The following POLA1 variants were observed in gnomAD, a reference collection of about 807,000 sequenced individuals.
The protein encoded by POLA1 is DNA polymerase alpha 1, catalytic subunit.
POLA1 carries 15 observed loss-of-function variants against 124.0 expected under a neutral mutation model. The observed-to-expected ratio is 0.12, with a 90% CI of 0.08 to 0.19. POLA1 has a LOEUF of 0.19. Among genes scored for constraint, POLA1 ranks in the 10% least tolerant of loss-of-function variants. The pLI is 1.00. For missense variants in POLA1, 886 were observed against 1,103.4 expected (o/e 0.80, Z 2.79); for synonymous variants, 408 against 389.4 (o/e 1.05, Z -0.56).
intron 34 of POLA1, among the ~76,000 whole-genome samples, chrX:24,853,065 C>T (rs994855609): frequency 8.9e-6 from 1 of 112,567 alleles, no homozygotes; most frequent in Non-Finnish European, 1.9e-5. Context: ...CTCTCAACTA[C>T]AGCTTTCCCT....
chrX:24,888,027 C>A lies in POLA1; in HGVS notation c.4069C>A (p.Pro1357Thr). 8.3e-7 allele frequency: 1 copy of A among 1,204,933 alleles called. No individual in the cohort carries two copies. Among genetic ancestry groups the A allele is most frequent in the Non-Finnish European group, 1.1e-6 (1 of 889,690 alleles). ...CCAGGGCTGGTTGATATGTGAAGAG[C>A]CAACCTGTCGCAATCGAACTCGTCA... ...YYDGWLICEEPTCRNRTRHLP... is the reference protein window; with the variant it reads ...YYDGWLICEETTCRNRTRHLP... The change falls in exon 35 of 37, where the codon CCA (proline) becomes ACA (threonine). Residue 1357 changes from proline to threonine, a missense_variant. Around this residue, in one of 7 missense-constraint regions of POLA1, gnomAD observed 313 missense variants for 359.7 expected, o/e 0.87. Transcript: ENST00000379068.
intron 36 of POLA1, among the ~76,000 whole-genome samples, chrX:24,977,662 A>G (rs1053484037): frequency 2.7e-5 from 3 of 111,825 alleles, no homozygotes; most frequent in African/African-American, 9.8e-5. Context: ...TTATGTTTTA[A>G]TTTCTAAGAA....
At chrX:24,873,269 GA>G (rs2046890134) in intron 34 of POLA1, among the ~76,000 whole-genome samples, 1 of 111,684 alleles carries the variant, frequency 9.0e-6, no homozygotes, top group African/African-American at 3.3e-5. Context: ...TGGTGGGCAT[GA>G]AAAATGGTAC....
intron 34 of POLA1, among the ~76,000 whole-genome samples, chrX:24,868,739 G>A (rs1416446896): frequency 1.8e-5 from 2 of 111,758 alleles, no homozygotes; most frequent in African/African-American, 6.5e-5. Context: ...TGCTGTGAAG[G>A]GACATAGAGA....
In POLA1 at chrX:24,724,464, C is replaced by T. The variant is rs781567383; in HGVS notation, c.1317+13C>T. The stretch of plus-strand genomic sequence containing the variant: ...GTTCAAGTCTAAGGTTTGTATTTGG[C>T]GATGATTTTTTTCCAGCTCTGTTTG... On this transcript the variant is annotated intron_variant, in intron 12 of 36. Transcript: ENST00000379068. 5 of 774,828 alleles carry T rather than the reference C, an allele frequency of 6.5e-6. No homozygotes were observed. The highest frequency in any genetic ancestry group is 4.9e-5 in the South Asian group (2 of 40,689). 63.9% of individuals were successfully genotyped at this position (774,828 alleles called of 1,213,427 possible).
intron 36 of POLA1, among the ~76,000 whole-genome samples, chrX:24,935,356 G>A (rs996614392): frequency 8.9e-6 from 1 of 112,679 alleles, no homozygotes; most frequent in African/African-American, 3.2e-5. Context: ...GTAGAATTCT[G>A]TTGAAGACAG....
At chrX:24,822,635 T>C (rs903132494) in intron 31 of POLA1, among the ~76,000 whole-genome samples, 3 of 112,366 alleles carry the variant, frequency 2.7e-5, no homozygotes, top group Non-Finnish European at 5.6e-5. Flanking sequence ...GGGTTACCCT[T>C]GATTAAGAAC....
intron 4 of POLA1, among the ~76,000 whole-genome samples, chrX:24,711,089 C>A (rs1366451821): frequency 1.8e-5 from 2 of 111,560 alleles, no homozygotes; most frequent in African/African-American, 3.3e-5. Context: ...CTCAAGCTAT[C>A]CTCCCACCTC....
intron 26 of POLA1, among the ~76,000 whole-genome samples, chrX:24,760,674 T>C (rs962629960): frequency 4.5e-5 from 5 of 112,002 alleles, no homozygotes; most frequent in Non-Finnish European, 7.5e-5. Context: ...CTTCTGTTTG[T>C]GTGTTATCAT....
At chrX:24,976,976 A>G (rs530989396) in intron 36 of POLA1, among the ~76,000 whole-genome samples, 2 of 112,561 alleles carry the variant, frequency 1.8e-5, no homozygotes, top group African/African-American at 6.4e-5. Flanking sequence ...CTATTGATAC[A>G]TACCAATTCT....
intron 10 of POLA1, among the ~76,000 whole-genome samples, chrX:24,722,115 T>A (rs1930239081): frequency 8.9e-6 from 1 of 111,915 alleles, no homozygotes; most frequent in Non-Finnish European, 1.9e-5. Flanking sequence ...CACTGATGAG[T>A]AGTCTTTCAA....
chrX:24,950,849 G>A (rs758928811), intron 36 of POLA1, among the ~76,000 whole-genome samples: 40 of 112,158 alleles, frequency 3.6e-4, no homozygotes, highest in Non-Finnish European at 6.0e-4. Flanking sequence ...ACAGAGTCAT[G>A]TAGGAAACTT....
chrX:24,852,909 C>T (rs1187627551), intron 34 of POLA1, among the ~76,000 whole-genome samples: 1 of 111,852 alleles, frequency 8.9e-6, no homozygotes, highest in Non-Finnish European at 1.9e-5. Context: ...GGGCTTCCGT[C>T]TCCATCCACC....
intron 26 of POLA1, among the ~76,000 whole-genome samples, chrX:24,769,977 TA>T (rs1057230548): frequency 1.8e-5 from 2 of 112,295 alleles, no homozygotes; most frequent in African/African-American, 6.5e-5. Context: ...CTAAAATGAA[TA>T]TGGCTTCTCA....
intron 36 of POLA1, among the ~76,000 whole-genome samples, chrX:24,960,443 G>T (rs1049758891): frequency 1.8e-5 from 2 of 111,677 alleles, no homozygotes; most frequent in Non-Finnish European, 3.8e-5. Context: ...CCCCCACTAA[G>T]AGCTGACGGC....
intron 35 of POLA1, among the ~76,000 whole-genome samples, chrX:24,929,163 T>C (rs896058628): frequency 8.9e-6 from 1 of 112,479 alleles, no homozygotes; most frequent in African/African-American, 3.2e-5. Flanking sequence ...TTTTTCATCA[T>C]TAAGACCCAG....
At chrX:24,906,200 C>A (rs1328958039) in intron 35 of POLA1, among the ~76,000 whole-genome samples, 1 of 112,273 alleles carries the variant, frequency 8.9e-6, no homozygotes, top group Admixed American at 9.4e-5. Flanking sequence ...AAGACACATG[C>A]ACATGCTTGT....
At chrX:24,839,698 G>T (rs1200495803) in intron 32 of POLA1, among the ~76,000 whole-genome samples, 2 of 112,416 alleles carry the variant, frequency 1.8e-5, no homozygotes, top group Non-Finnish European at 3.8e-5. Context: ...GACTGTGAAA[G>T]AAACTTGCCT....
intron 31 of POLA1, among the ~76,000 whole-genome samples, chrX:24,824,914 A>G (rs1444761380): frequency 8.9e-6 from 1 of 111,787 alleles, no homozygotes; most frequent in Non-Finnish European, 1.9e-5. Context: ...GTGCCTTTAA[A>G]AAATATTTTA....
Sources: allele counts gnomAD v4.1 joint callset (sites outside exome capture counted in the v4.1 genomes callset), GRCh38; gene constraint gnomAD v4.1.1; regional missense constraint gnomAD v4.1.1; transcripts MANE v1.5; gene names NCBI Gene and HGNC (gene_info 2026-07-23, HGNC 2026-07-21).